GPRC6A: variants seen among roughly 807,000 people sequenced by gnomAD.
GPRC6A encodes G protein-coupled receptor class C group 6 member A.
In GPRC6A, 54 loss-of-function variants were observed where a neutral mutation model predicts 47.0. That is an observed-to-expected ratio of 1.15 (90% CI 0.92 to 1.44). The LOEUF (loss-of-function observed/expected upper bound fraction) is 1.44, where lower values mean the gene tolerates loss of function less well. Among genes scored for constraint, GPRC6A ranks in the 40% most tolerant of loss-of-function variants. The pLI is 0.00. For synonymous variants in GPRC6A, 347 were observed against 377.1 expected, an observed-to-expected ratio of 0.92 and a Z score of 0.93; for missense variants, 1,112 against 1,105.5, an observed-to-expected ratio of 1.01 and a Z score of -0.08.
At position 116,792,370 on chromosome 6, in the gene GPRC6A, C is replaced by T. The variant is rs201038107; in HGVS notation, c.2553G>A (p.Lys851=). The T allele has an allele frequency of 1.9e-6, 3 of 1,613,848 alleles. No individual in the cohort carries two copies. Among genetic ancestry groups the T allele is most frequent in the Non-Finnish European group, 2.5e-6 (3 of 1,179,944 alleles). ...QEINTKSAFL[K]MIYSYSSHSV... ...TATGGGAAGAATAACTGTAGATCAT[C>T]TTGAGAAAGGCAGACTTTGTGTTAA... Residue 851 remains lysine, a synonymous_variant, in exon 6 of 6, where the codon AAG becomes AAA. Coordinates refer to ENST00000310357, the MANE Select transcript of GPRC6A (RefSeq NM_148963.4).
In GPRC6A at chr6:116,826,264, G is replaced by A. The variant is rs1346662296; in HGVS notation, c.194+2556C>T. 1.1e-4 allele frequency among the ~76,000 whole-genome samples: 17 copies of A among 151,720 alleles called. 1 individual carries two copies. The highest frequency in any genetic ancestry group is 1.1e-3 in the Admixed American group (17 of 15,186). On this transcript the variant is annotated intron_variant, in intron 1 of 5. Transcript: ENST00000310357. ...AGAATGAAGAGACAACCACTTACTG[G>A]GAGAAGATATTTGCAGACTATTCAT...
In GPRC6A at chr6:116,800,786, A is replaced by C. The variant is rs1442443829; in HGVS notation, c.1346T>G (p.Val449Gly). 9 of 1,596,228 alleles carry C rather than the reference A, an allele frequency of 5.6e-6. No homozygotes were observed. The highest frequency in any genetic ancestry group is 7.7e-6 in the Non-Finnish European group (9 of 1,166,022). The change falls in exon 4 of 6, where the codon GTG (valine) becomes GGG (glycine). Residue 449 changes from valine (V) to glycine (G), a missense_variant. Coordinates refer to ENST00000310357, the MANE Select transcript of GPRC6A (RefSeq NM_148963.4). The stretch of plus-strand genomic sequence containing the variant: ...ATCAGTGAATGTCACATTTTTTAGC[A>C]CACCAAGTAACTATAAAAAATAAAA... The part of the protein sequence containing the change: ...NAFQPWELLG[V>G]LKNVTFTDGW...
intron 5 of GPRC6A, 95 bp from the exon 6 acceptor site, chr6:116,793,345 T>C (rs1330973290): frequency 1.2e-6 from 1 of 819,168 alleles, no homozygotes; most frequent in African/African-American, 1.7e-5. Context: ...TTAATAGTTC[T>C]GACTAGAGAA....
chr6:116,798,049 A>C (rs1051725379), intron 4 of GPRC6A, among the ~76,000 whole-genome samples: 7 of 152,220 alleles, frequency 4.6e-5, no homozygotes, highest in African/African-American at 1.4e-4. Flanking sequence ...CACTGTTCTA[A>C]TTGTTGAAGC....
chr6:116,806,729 A>C lies in GPRC6A; in HGVS notation c.976T>G (p.Phe326Val). 6.2e-7 allele frequency: 1 copy of C among 1,613,570 alleles called. No homozygotes were observed. Among genetic ancestry groups the C allele is most frequent in the South Asian group, 1.1e-5 (1 of 91,064 alleles). ...GATATATTCCCTCTTCTAAAGGCAAACCCTACAACTTTGCCAATCTTTTTA... is the reference window on the plus strand; with the variant it reads ...GATATATTCCCTCTTCTAAAGGCAACCCCTACAACTTTGCCAATCTTTTTA... ...NVKKIGKVVG[F>V]AFRRGNISSF... Residue 326 changes from phenylalanine (F) to valine (V), a missense_variant, in exon 3 of 6, where the codon TTT becomes GTT. Coordinates refer to ENST00000310357, the MANE Select transcript of GPRC6A (RefSeq NM_148963.4).
chr6:116,822,594 A>G (rs1465230574), intron 1 of GPRC6A, among the ~76,000 whole-genome samples: 1 of 143,858 alleles, frequency 7.0e-6, no homozygotes, highest in South Asian at 2.3e-4. Flanking sequence ...CATCATTCTC[A>G]GTAAACTATC....
intron 1 of GPRC6A, among the ~76,000 whole-genome samples, chr6:116,824,087 G>T (rs1264568150): frequency 1.3e-5 from 2 of 151,882 alleles, no homozygotes; most frequent in African/African-American, 4.8e-5. Flanking sequence ...AAAGCCAGTG[G>T]GATACAGCAA....
intron 1 of GPRC6A, among the ~76,000 whole-genome samples, chr6:116,811,845 T>TA (rs1387138720): frequency 1.3e-5 from 2 of 151,612 alleles, no homozygotes; most frequent in African/African-American, 4.8e-5. Context: ...AAAAAAGAAT[T>TA]AAAAAAAGCT....
At chr6:116,800,915 T>C (rs2114586908) in intron 3 of GPRC6A, 119 bp from the exon 4 acceptor site, 2 of 653,542 alleles carry the variant, frequency 3.1e-6, no homozygotes, top group South Asian at 2.0e-5. Context: ...AAAAAGATTA[T>C]AAATCACTGG....
At position 116,792,828 on chromosome 6, in the gene GPRC6A, T is replaced by C; in HGVS notation, c.2095A>G (p.Lys699Glu). Residue 699 changes from lysine to glutamate, a missense_variant, in exon 6 of 6, where the codon AAG becomes GAG. Lys to Glu is a moderately conservative substitution (Grantham distance 56). Transcript: ENST00000310357. ...ATAAGGATCGGTCTATAGAGGCACT[T>C]CAGAAATTTCTGTAATTTGGGATCA... The part of the protein sequence containing the change: ...SFDPKLQKFL[K>E]CLYRPILIIF... 6.2e-7 allele frequency: 1 copy of C among 1,614,052 alleles called. No homozygotes were observed. The highest frequency in any genetic ancestry group is 8.5e-7 in the Non-Finnish European group (1 of 1,179,978).
At chr6:116,815,837 TG>T (rs1773187304) in intron 1 of GPRC6A, among the ~76,000 whole-genome samples, 1 of 152,190 alleles carries the variant, frequency 6.6e-6, no homozygotes, top group African/African-American at 2.4e-5. Context: ...GAAACATGAA[TG>T]TATTAGTCCC....
intron 1 of GPRC6A, among the ~76,000 whole-genome samples, chr6:116,821,655 A>C (rs1219762901): frequency 6.6e-6 from 1 of 152,098 alleles, no homozygotes; most frequent in East Asian, 1.9e-4. Flanking sequence ...CTGGCTAGCC[A>C]TATGTAGAAA....
intron 1 of GPRC6A, among the ~76,000 whole-genome samples, chr6:116,824,331 A>G (rs538064148): frequency 1.3e-5 from 2 of 151,908 alleles, no homozygotes; most frequent in Non-Finnish European, 2.9e-5. Context: ...GATAAAAAAA[A>G]TTTATAAATC....
At chr6:116,801,003 T>C (rs1441277197) in intron 3 of GPRC6A, among the ~76,000 whole-genome samples, 1 of 152,190 alleles carries the variant, frequency 6.6e-6, no homozygotes, top group Non-Finnish European at 1.5e-5. Context: ...TGCCTAACTT[T>C]TGCTATATAA....
intron 1 of GPRC6A, among the ~76,000 whole-genome samples, chr6:116,826,569 G>C (rs1017059682): frequency 4.0e-5 from 6 of 151,400 alleles, no homozygotes; most frequent in Non-Finnish European, 7.4e-5. Context: ...CTGGCAAGGA[G>C]ATGCAGAAGA....
At position 116,793,137 on chromosome 6, in the gene GPRC6A, G is replaced by A. The variant is rs1772370676; in HGVS notation, c.1786C>T (p.Leu596=). Residue 596 remains leucine, a synonymous_variant, in exon 6 of 6, where the codon CTA becomes TTA. Transcript: ENST00000310357. ...YLNWNDSLAI[L]LLILSLLGII... ...CCCAGTAGGGAGAGAATCAGGAGTA[G>A]GATGGCCAAGGAGTCATTCCAGTTG... 1 of 1,613,780 alleles carries A rather than the reference G, an allele frequency of 6.2e-7. No individual in the cohort carries two copies. The highest frequency in any genetic ancestry group is 1.3e-5 in the African/African-American group (1 of 75,024).
At chr6:116,803,966 G>A (rs1050144496) in intron 3 of GPRC6A, among the ~76,000 whole-genome samples, 12 of 151,960 alleles carry the variant, frequency 7.9e-5, no homozygotes, top group Non-Finnish European at 1.3e-4. Flanking sequence ...AATTCCTTTA[G>A]GGAAGGAATT....
At chr6:116,822,976 G>C (rs1773553508) in intron 1 of GPRC6A, among the ~76,000 whole-genome samples, 1 of 150,956 alleles carries the variant, frequency 6.6e-6, no homozygotes, top group Admixed American at 6.6e-5. Flanking sequence ...GGCTGCCATG[G>C]AGGTCTCTGA....
chr6:116,828,083 T>C (rs1447933695), intron 1 of GPRC6A, among the ~76,000 whole-genome samples: 1 of 152,008 alleles, frequency 6.6e-6, no homozygotes, highest in African/African-American at 2.4e-5. Flanking sequence ...GATGAGAAAA[T>C]ATACACAACA....
Sources: allele counts gnomAD v4.1 joint callset (sites outside exome capture counted in the v4.1 genomes callset), GRCh38; gene constraint gnomAD v4.1.1; transcripts MANE v1.5; gene names NCBI Gene and HGNC (gene_info 2026-07-23, HGNC 2026-07-21).